LRBA: variants seen among roughly 807,000 people sequenced by gnomAD.
The protein encoded by LRBA is LPS responsive beige-like anchor protein.
A neutral mutation model predicts 330.0 loss-of-function variants in LRBA; 176 were observed. The ratio of observed to expected loss-of-function variants is 0.53; its 90% CI spans 0.47 to 0.60. The LOEUF (loss-of-function observed/expected upper bound fraction) is 0.60, where lower values mean the gene tolerates loss of function less well. LRBA is among the 20% of genes least tolerant of loss of function. The probability of loss-of-function intolerance (pLI) is 0.00; values close to 1 mark genes in which losing one functional copy is unlikely to be tolerated. For synonymous variants in LRBA, 1,230 were observed against 1,193.0 expected, an observed-to-expected ratio of 1.03 and a Z score of -0.64; for missense variants, 3,259 against 3,444.8, an observed-to-expected ratio of 0.95 and a Z score of 1.35.
chr4:150,667,793 C>A (rs1269209085), intron 37 of LRBA, among the ~76,000 whole-genome samples: 1 of 152,152 alleles, frequency 6.6e-6, no homozygotes, highest in Non-Finnish European at 1.5e-5. Flanking sequence ...CTGACTGGCA[C>A]CAGATCACAG....
At chr4:150,946,104 T>A (rs1393796583) in intron 2 of LRBA, among the ~76,000 whole-genome samples, 1 of 152,224 alleles carries the variant, frequency 6.6e-6, no homozygotes, top group Non-Finnish European at 1.5e-5. Context: ...AGCCGGCATA[T>A]TTCTTATTAT....
chr4:150,337,678 A>G lies in LRBA; in HGVS notation c.7363-11780T>C, dbSNP rs1384116036. On this transcript the variant is annotated intron_variant, in intron 48 of 56. Transcript: ENST00000651943. ...CCAGAGGTACTTCATGATTATTTCT[A>G]TAACACTTTGAATTGTGGCTGCATG... 3.3e-5 allele frequency among the ~76,000 whole-genome samples: 5 copies of G among 152,252 alleles called. 1 individual carries two copies. In the South Asian group the frequency reaches 6.2e-4, roughly 19 times the overall value.
intron 40 of LRBA, among the ~76,000 whole-genome samples, chr4:150,500,568 G>C (rs1760138830): frequency 6.6e-6 from 1 of 151,994 alleles, no homozygotes; most frequent in Non-Finnish European, 1.5e-5. Flanking sequence ...GCAAGAGCGA[G>C]ACTCTGTCTC....
chr4:150,502,390 A>G (rs1760398199), intron 40 of LRBA, among the ~76,000 whole-genome samples: 1 of 152,232 alleles, frequency 6.6e-6, no homozygotes, highest in Non-Finnish European at 1.5e-5. Flanking sequence ...ACAATGTATT[A>G]TAAGGAATGC....
At chr4:150,758,393 A>G (rs1014165371) in intron 35 of LRBA, among the ~76,000 whole-genome samples, 3 of 152,178 alleles carry the variant, frequency 2.0e-5, no homozygotes, top group Admixed American at 1.3e-4. Context: ...CTTAAGAGTG[A>G]TGCCTGGCTT....
At chr4:150,900,829 C>G (rs536033022) in intron 13 of LRBA, among the ~76,000 whole-genome samples, 1 of 152,290 alleles carries the variant, frequency 6.6e-6, no homozygotes, top group Non-Finnish European at 1.5e-5. Flanking sequence ...AATCTCTCAA[C>G]ATGTATATCA....
intron 40 of LRBA, among the ~76,000 whole-genome samples, chr4:150,559,995 C>T (rs564904524): frequency 1.1e-4 from 14 of 125,738 alleles, no homozygotes; most frequent in South Asian, 9.2e-4. Context: ...GACATTATTT[C>T]GTCCATCGAT....
intron 21 of LRBA, 104 bp downstream of exon 21, chr4:150,868,078 A>G: frequency 8.1e-7 from 1 of 1,242,216 alleles, no homozygotes; most frequent in Non-Finnish European, 1.1e-6. Context: ...AAAAAATAGA[A>G]AAATCATTTC....
chr4:150,275,052 C>G (rs1459928843), intron 56 of LRBA, among the ~76,000 whole-genome samples: 1 of 152,184 alleles, frequency 6.6e-6, no homozygotes, highest in Non-Finnish European at 1.5e-5. Context: ...CAAACCAAAT[C>G]CAGGAGCACA....
intron 2 of LRBA, among the ~76,000 whole-genome samples, chr4:151,000,139 G>A (rs1018956782): frequency 2.6e-5 from 4 of 152,166 alleles, no homozygotes; most frequent in African/African-American, 9.7e-5. Context: ...TTATGATGGT[G>A]TGAAAGCAAT....
intron 48 of LRBA, among the ~76,000 whole-genome samples, chr4:150,329,492 A>C (rs1733714754): frequency 6.6e-6 from 1 of 152,162 alleles, no homozygotes; most frequent in Non-Finnish European, 1.5e-5. Flanking sequence ...CTGGCTCTGT[A>C]GTCTACTCCT....
chr4:150,401,800 C>G (rs1440643862), intron 47 of LRBA, among the ~76,000 whole-genome samples: 1 of 151,512 alleles, frequency 6.6e-6, no homozygotes, highest in Non-Finnish European at 1.5e-5. Flanking sequence ...GGTAAAAGAC[C>G]ATGAAGTATG....
chr4:150,798,837 T>A (rs1034763692), intron 33 of LRBA, among the ~76,000 whole-genome samples: 4 of 152,168 alleles, frequency 2.6e-5, no homozygotes, highest in African/African-American at 9.6e-5. Context: ...AACAAAGCAA[T>A]GCCAATAATT....
At chr4:150,666,555 C>T (rs939200743) in intron 37 of LRBA, among the ~76,000 whole-genome samples, 1 of 151,954 alleles carries the variant, frequency 6.6e-6, no homozygotes, top group Non-Finnish European at 1.5e-5. Flanking sequence ...TATAGTAAAA[C>T]AACCATTTAC....
chr4:150,683,826 T>G, intron 36 of LRBA, 109 bp from the exon 37 acceptor site: 7 of 738,882 alleles, frequency 9.5e-6, no homozygotes, highest in Admixed American at 2.9e-5. Flanking sequence ...TTAAATCTAC[T>G]TTTACATTCC....
chr4:150,904,333 A>T (rs944520340), intron 13 of LRBA, among the ~76,000 whole-genome samples: 3 of 152,188 alleles, frequency 2.0e-5, no homozygotes, highest in African/African-American at 7.2e-5. Context: ...GCCCTTTTTT[A>T]TGACTGTCTT....
chr4:150,867,927 G>T, intron 21 of LRBA, 64 bp from the exon 22 acceptor site: 15 of 1,354,834 alleles, frequency 1.1e-5, no homozygotes, highest in Non-Finnish European at 1.5e-5. Flanking sequence ...TAAATCTAAA[G>T]GTTTAAAACA....
intron 40 of LRBA, among the ~76,000 whole-genome samples, chr4:150,518,004 A>G (rs767979792): frequency 7.2e-5 from 11 of 152,202 alleles, no homozygotes; most frequent in Admixed American, 1.3e-4. Flanking sequence ...CCTCTTCACA[A>G]TTTTATAGAT....
intron 37 of LRBA, among the ~76,000 whole-genome samples, chr4:150,663,282 T>G (rs1033945125): frequency 1.4e-5 from 1 of 71,644 alleles, no homozygotes; most frequent in Non-Finnish European, 3.2e-5. Flanking sequence ...GAAAAAACTT[T>G]GAAGTCACTG....
Sources: gnomAD v4.1 joint callset for allele counts (sites outside exome capture counted in the v4.1 genomes callset) on GRCh38, gnomAD v4.1.1 for gene constraint, MANE v1.5 for transcripts, NCBI Gene and HGNC (gene_info 2026-07-23, HGNC 2026-07-21) for gene names.